The following PCDH11X variants were observed in gnomAD, a reference collection of about 807,000 sequenced individuals.
PCDH11X encodes the protein protocadherin 11 X-linked.
A neutral mutation model predicts 53.3 loss-of-function variants in PCDH11X; 18 were observed. The observed-to-expected ratio is 0.34, with a 90% CI of 0.23 to 0.50. The LOEUF (loss-of-function observed/expected upper bound fraction) is 0.50, where lower values mean the gene tolerates loss of function less well. PCDH11X is among the 20% of genes least tolerant of loss of function. The pLI, the probability that PCDH11X is intolerant of heterozygous loss-of-function variation, is 0.98. For missense variants in PCDH11X, 570 were observed against 1,032.4 expected, an observed-to-expected ratio of 0.55 and a Z score of 6.14; for synonymous variants, 279 against 393.3, an observed-to-expected ratio of 0.71 and a Z score of 3.44.
intron 6 of PCDH11X, among the ~76,000 whole-genome samples, chrX:92,153,488 A>G (rs2065475978): frequency 8.9e-6 from 1 of 112,047 alleles, no homozygotes. Flanking sequence ...ATAATGTAAT[A>G]GCAAGTTTAA....
chrX:91,988,993 C>G (rs1432150073), intron 6 of PCDH11X, among the ~76,000 whole-genome samples: 3 of 111,028 alleles, frequency 2.7e-5, no homozygotes, highest in Non-Finnish European at 5.7e-5. Context: ...CATCTATTAC[C>G]TCATATACCC....
intron 6 of PCDH11X, among the ~76,000 whole-genome samples, chrX:91,991,677 AT>A (rs753517279): frequency 6.2e-5 from 6 of 96,354 alleles, no homozygotes; most frequent in South Asian, 4.5e-4. Context: ...TGTTGTTTCA[AT>A]TTTTTTTTTA....
chrX:92,162,143 G>T (rs1370884320), intron 6 of PCDH11X, among the ~76,000 whole-genome samples: 2 of 97,137 alleles, frequency 2.1e-5, no homozygotes, highest in African/African-American at 3.9e-5. Flanking sequence ...TTCTCATTTG[G>T]GTGGGTTATA....
At chrX:92,181,421 G>C (rs1294760526) in intron 6 of PCDH11X, among the ~76,000 whole-genome samples, 1 of 112,058 alleles carries the variant, frequency 8.9e-6, no homozygotes, top group African/African-American at 3.2e-5. Flanking sequence ...TGATAGGAAA[G>C]AAAATTTCAT....
At chrX:91,916,026 T>C (rs1941551448) in intron 6 of PCDH11X, among the ~76,000 whole-genome samples, 1 of 109,690 alleles carries the variant, frequency 9.1e-6, no homozygotes, top group Admixed American at 9.8e-5. Flanking sequence ...GGAAATCAAC[T>C]CCTAAAGGAA....
chrX:91,843,834 C>T (rs184605036), intron 5 of PCDH11X, among the ~76,000 whole-genome samples: 117 of 111,554 alleles, frequency 1.0e-3, no homozygotes, highest in Admixed American at 1.5e-3. Flanking sequence ...TTTATCTGCA[C>T]AATCATTTTG....
chrX:92,537,215 ATT>A (rs34368930), intron 10 of PCDH11X, among the ~76,000 whole-genome samples: 3 of 95,084 alleles, frequency 3.2e-5, no homozygotes, highest in East Asian at 3.3e-4. Context: ...CCATTTGTCC[ATT>A]TTTTTTTTTT....
At chrX:91,821,883 AG>A (rs1388264253) in intron 4 of PCDH11X, among the ~76,000 whole-genome samples, 3 of 97,418 alleles carry the variant, frequency 3.1e-5, no homozygotes, top group African/African-American at 4.6e-5. Context: ...TTTAGCATGA[AG>A]GGTTGTTGAA....
In PCDH11X at chrX:92,099,450, G is replaced by T. The variant is rs370824418; in HGVS notation, c.3034-101925G>T. On this transcript the variant is annotated intron_variant, in intron 6 of 10. Coordinates refer to ENST00000682573, the MANE Select transcript of PCDH11X (RefSeq NM_032968.5). ...AGCTGTGAGCCAGGTGTCTTCAACTGCAGGTCATATGCTGAGCTACATTCA... is the reference window on the plus strand; with the variant it reads ...AGCTGTGAGCCAGGTGTCTTCAACTTCAGGTCATATGCTGAGCTACATTCA... Among the ~76,000 whole-genome samples the T allele has an allele frequency of 4.6e-5, 5 of 108,989 alleles. No individual in the cohort carries two copies. The East Asian group carries it at 1.4e-3, about 32-fold the overall frequency. 94.6% of individuals were successfully genotyped at this position (108,989 alleles called of 115,157 possible).
chrX:92,460,543 G>A (rs1303607386), intron 9 of PCDH11X: 6 of 742,925 alleles, frequency 8.1e-6, no homozygotes, highest in Non-Finnish European at 1.2e-5. Flanking sequence ...CTGAGATGAC[G>A]CTCACAGAGC....
chrX:92,396,248 G>C lies in PCDH11X; in HGVS notation c.3343+8315G>C, dbSNP rs184212767. On this transcript the variant is annotated intron_variant, in intron 9 of 10. Transcript: ENST00000682573. Reference sequence around the variant, plus strand: ...GAATATGATGAAAAGTGCATAAACAGAATCTCCAGGAGGAGAAACGCAGAA... The same window carrying C: ...GAATATGATGAAAAGTGCATAAACACAATCTCCAGGAGGAGAAACGCAGAA... 6.1e-4 allele frequency among the ~76,000 whole-genome samples: 66 copies of C among 108,187 alleles called. No homozygotes were observed. The Admixed American group carries it at 6.7e-3, about 11-fold the overall frequency. The allele number at this position is 108,187 out of a possible 115,157, so 93.9% of individuals were successfully genotyped here. A position where few individuals can be genotyped will look rare whatever the true frequency, so the allele number is the denominator to read the frequency against.
rs1451414636 is a variant in PCDH11X, at chrX:91,835,629, A to G, written c.125A>G (p.Asp42Gly). Residue 42 changes from aspartate (D) to glycine (G), a missense_variant, in exon 5 of 11, where the codon GAC (aspartate) becomes GGC (glycine). Physicochemically the swap from Asp to Gly is moderately conservative, Grantham distance 94. Transcript: ENST00000682573. ...ATGCCAGAAAACGTCCTGATAGGCG[A>G]CTTGTTGAAAGACCTTAACTTGTCG... ...EEMPENVLIG[D>G]LLKDLNLSLI... 8.3e-6 allele frequency: 10 copies of G among 1,211,259 alleles called. No individual in the cohort carries two copies. The highest frequency in any genetic ancestry group is 1.1e-5 in the Non-Finnish European group (10 of 895,438).
chrX:92,232,486 A>G (rs2067093890), intron 7 of PCDH11X, among the ~76,000 whole-genome samples: 1 of 111,812 alleles, frequency 8.9e-6, no homozygotes, highest in Admixed American at 9.6e-5. Context: ...AAAGTTTGCT[A>G]GAAATATAAA....
intron 5 of PCDH11X, among the ~76,000 whole-genome samples, chrX:91,844,111 T>G (rs897918229): frequency 5.4e-5 from 6 of 111,976 alleles, no homozygotes; most frequent in Admixed American, 1.9e-4. Context: ...CTCTGTAGGT[T>G]GAGGTTAATT....
intron 6 of PCDH11X, among the ~76,000 whole-genome samples, chrX:91,994,332 T>C (rs1185475422): frequency 9.1e-6 from 1 of 109,762 alleles, no homozygotes; most frequent in Non-Finnish European, 1.9e-5. Context: ...CAGCCCTTGG[T>C]AATGACCATT....
intron 10 of PCDH11X, among the ~76,000 whole-genome samples, chrX:92,525,631 C>CA (rs60062573): frequency 0.15 from 7,168 of 48,942 alleles, 458 homozygotes; most frequent in East Asian, 0.37. Context: ...AACTCTTTCT[C>CA]AAAAAAAAAA....
intron 7 of PCDH11X, among the ~76,000 whole-genome samples, chrX:92,253,475 G>T (rs2067500255): frequency 8.9e-6 from 1 of 111,783 alleles, no homozygotes; most frequent in African/African-American, 3.3e-5. Flanking sequence ...TTTCTGTGAA[G>T]AATGTCATTG....
chrX:92,508,088 T>G (rs1183401886), intron 10 of PCDH11X, among the ~76,000 whole-genome samples: 2 of 111,605 alleles, frequency 1.8e-5, no homozygotes, highest in African/African-American at 6.5e-5. Flanking sequence ...ATGCTGGGAT[T>G]ACAGGCGTGA....
intron 5 of PCDH11X, among the ~76,000 whole-genome samples, chrX:91,861,955 A>G (rs1602381383): frequency 1.8e-5 from 2 of 110,318 alleles, no homozygotes; most frequent in Admixed American, 1.9e-4. Context: ...TGCAGGATGC[A>G]CTAGCTTTTT....
Sources: gnomAD v4.1 joint callset for allele counts (sites outside exome capture counted in the v4.1 genomes callset) on GRCh38, gnomAD v4.1.1 for gene constraint, MANE v1.5 for transcripts, NCBI Gene and HGNC (gene_info 2026-07-23, HGNC 2026-07-21) for gene names.